Variants in NRP1 observed in about 807,000 individuals in gnomAD.
NRP1 encodes the protein neuropilin 1.
Under a neutral mutation model 106.7 loss-of-function variants are expected in NRP1, and 35 were observed. That is an observed-to-expected ratio of 0.33 (90% CI 0.25 to 0.43). The LOEUF is 0.43. Among genes scored for constraint, NRP1 ranks in the 20% least tolerant of loss-of-function variants. The pLI is 1.00. For missense variants in NRP1, 1,024 were observed against 1,170.4 expected (o/e 0.87, Z 1.83); for synonymous variants, 437 against 417.9 (o/e 1.05, Z -0.56).
chr10:33,249,563 C>A (rs373725849), intron 6 of NRP1: 1 of 504,570 alleles, frequency 2.0e-6, no homozygotes, highest in South Asian at 1.5e-5. Flanking sequence ...GAATGATTAA[C>A]CAGAAACAAA....
At chr10:33,246,676 A>G (rs1225524310) in intron 6 of NRP1, among the ~76,000 whole-genome samples, 7 of 152,104 alleles carry the variant, frequency 4.6e-5, no homozygotes, top group Admixed American at 6.6e-5. Flanking sequence ...CCAACACTGT[A>G]TTTTACATGC....
intron 15 of NRP1, 95 bp from the exon 16 acceptor site, chr10:33,182,843 A>G (rs1415610331): frequency 8.8e-6 from 7 of 798,504 alleles, no homozygotes; most frequent in Non-Finnish European, 8.6e-6. Flanking sequence ...GCACACACAC[A>G]CACACACACA....
At chr10:33,245,786 C>G (rs1841375022) in intron 6 of NRP1, among the ~76,000 whole-genome samples, 1 of 151,476 alleles carries the variant, frequency 6.6e-6, no homozygotes, top group Non-Finnish European at 1.5e-5. Flanking sequence ...TTGAGATATC[C>G]CTGAAAGAAA....
At chr10:33,210,191 CTT>C (rs79402007) in intron 9 of NRP1, among the ~76,000 whole-genome samples, 4 of 140,196 alleles carry the variant, frequency 2.9e-5, no homozygotes, top group Admixed American at 7.1e-5. Context: ...ATTAAAATTT[CTT>C]TTTTTTTTTT....
At chr10:33,246,411 T>C (rs1191601945) in intron 6 of NRP1, among the ~76,000 whole-genome samples, 1 of 152,236 alleles carries the variant, frequency 6.6e-6, no homozygotes, top group Non-Finnish European at 1.5e-5. Context: ...AACAGACCTC[T>C]GCTTCATTAA....
At chr10:33,252,118 G>A (rs572233386) in intron 6 of NRP1, among the ~76,000 whole-genome samples, 1 of 152,140 alleles carries the variant, frequency 6.6e-6, no homozygotes, top group Admixed American at 6.5e-5. Context: ...GGGGGAAGAA[G>A]GCACAAGTGG....
intron 6 of NRP1, among the ~76,000 whole-genome samples, chr10:33,229,278 ACT>A (rs1223623722): frequency 6.6e-6 from 1 of 152,086 alleles, no homozygotes; most frequent in African/African-American, 2.4e-5. Context: ...TGCTGCAGAA[ACT>A]CTCTGATTTC....
intron 2 of NRP1, among the ~76,000 whole-genome samples, chr10:33,300,460 C>A (rs936514164): frequency 1.3e-5 from 2 of 152,204 alleles, no homozygotes; most frequent in Non-Finnish European, 2.9e-5. Flanking sequence ...GTTCCTCCCG[C>A]CCGGCCTGGA....
At chr10:33,318,044 AT>A (rs1185088525) in intron 2 of NRP1, among the ~76,000 whole-genome samples, 18 of 152,270 alleles carry the variant, frequency 1.2e-4, no homozygotes, top group African/African-American at 4.1e-4. Flanking sequence ...AGGTCTTATT[AT>A]TTATAAATAT....
chr10:33,327,957 C>A (rs1478052966), intron 2 of NRP1, among the ~76,000 whole-genome samples: 1 of 152,136 alleles, frequency 6.6e-6, no homozygotes, highest in East Asian at 1.9e-4. Flanking sequence ...CCATTGACTT[C>A]ATCAGGCTAA....
At chr10:33,233,178 G>A (rs1564406611) in intron 6 of NRP1, among the ~76,000 whole-genome samples, 1 of 152,134 alleles carries the variant, frequency 6.6e-6, no homozygotes, top group Non-Finnish European at 1.5e-5. Context: ...GGAAAATTGT[G>A]TGAGTAGAGG....
chr10:33,190,776 A>G (rs944135753), intron 13 of NRP1, among the ~76,000 whole-genome samples: 1 of 151,934 alleles, frequency 6.6e-6, no homozygotes, highest in Non-Finnish European at 1.5e-5. Context: ...GTGAGTGTGT[A>G]TATGTGTGTG....
At chr10:33,227,741 G>C (rs1839785512) in intron 6 of NRP1, among the ~76,000 whole-genome samples, 1 of 152,096 alleles carries the variant, frequency 6.6e-6, no homozygotes, top group Non-Finnish European at 1.5e-5. Context: ...AAATCTCGAG[G>C]GTCTGTGTTT....
chr10:33,238,490 G>C (rs1220254236), intron 6 of NRP1, among the ~76,000 whole-genome samples: 1 of 152,204 alleles, frequency 6.6e-6, no homozygotes, highest in Non-Finnish European at 1.5e-5. Context: ...TTGGGTGAAA[G>C]GGAGTGAAGG....
chr10:33,298,831 G>A (rs1011440716), intron 2 of NRP1, among the ~76,000 whole-genome samples: 6 of 152,018 alleles, frequency 3.9e-5, no homozygotes, highest in Admixed American at 6.6e-5. Flanking sequence ...GACACCACAC[G>A]AATTCTAGCT....
intron 2 of NRP1, among the ~76,000 whole-genome samples, chr10:33,307,206 T>C (rs1380903358): frequency 1.3e-5 from 2 of 152,208 alleles, no homozygotes; most frequent in Non-Finnish European, 2.9e-5. Flanking sequence ...ACAATTCAAA[T>C]ATTTTCACAA....
chr10:33,222,584 G>A (rs183703978), intron 7 of NRP1, among the ~76,000 whole-genome samples: 55 of 151,770 alleles, frequency 3.6e-4, no homozygotes, highest in African/African-American at 1.2e-3. Flanking sequence ...GCAGTGATGC[G>A]ATCTCGGCTC....
At chr10:33,262,426 G>C (rs1842634290) in intron 4 of NRP1, among the ~76,000 whole-genome samples, 1 of 152,090 alleles carries the variant, frequency 6.6e-6, no homozygotes, top group Admixed American at 6.6e-5. Flanking sequence ...ACCTCGGCCA[G>C]GCATGGAGGC....
intron 2 of NRP1, among the ~76,000 whole-genome samples, chr10:33,314,914 A>G (rs1035106763): frequency 1.4e-4 from 22 of 152,234 alleles, no homozygotes; most frequent in African/African-American, 5.1e-4. Context: ...TGAAGTTAAC[A>G]TGTGCATTTA....
Sources: allele counts gnomAD v4.1 joint callset (sites outside exome capture counted in the v4.1 genomes callset), GRCh38; gene constraint gnomAD v4.1.1; transcripts MANE v1.5; gene names NCBI Gene and HGNC (gene_info 2026-07-23, HGNC 2026-07-21).